Variants in ZNF385B observed in about 807,000 individuals in gnomAD.
ZNF385B encodes zinc finger protein 533.
Under a neutral mutation model 39.2 loss-of-function variants are expected in ZNF385B, and 23 were observed. The ratio of observed to expected loss-of-function variants is 0.59; its 90% confidence interval spans 0.42 to 0.83. The LOEUF is 0.83. Among genes scored for constraint, ZNF385B ranks in the 40% least tolerant of loss-of-function variants. ZNF385B has a pLI of 0.00. For missense variants in ZNF385B, 552 were observed against 598.9 expected (o/e 0.92, Z 0.82); for synonymous variants, 205 against 222.6 (o/e 0.92, Z 0.70).
chr2:179,834,603 G>A (rs1046249735), intron 1 of ZNF385B, among the ~76,000 whole-genome samples: 10 of 152,134 alleles, frequency 6.6e-5, no homozygotes, highest in Admixed American at 6.5e-4. Flanking sequence ...AAGAGAAATG[G>A]AGAGTCATCA....
At position 179,637,463 on chromosome 2, in the gene ZNF385B, C is replaced by G. The variant is rs1691864950; in HGVS notation, c.299-92494G>C. The stretch of plus-strand genomic sequence containing the variant: ...AAGTACTGAGATAGAGAAAAACAAA[C>G]AACTCCCAAACCCACAGAAAGCCCA... On this transcript the variant is annotated intron_variant, in intron 3 of 9. Transcript: ENST00000410066. 2.0e-5 allele frequency: 3 copies of G among 149,500 alleles called. No individual in the cohort carries two copies. The South Asian group carries it at 6.4e-4, about 32-fold the overall frequency. 9.3% of individuals were successfully genotyped at this position (149,500 alleles called of 1,614,324 possible). A position where few individuals can be genotyped will look rare whatever the true frequency, so the allele number is the denominator to read the frequency against.
chr2:179,623,175 A>T (rs17820073), intron 3 of ZNF385B, among the ~76,000 whole-genome samples: 27,766 of 152,092 alleles, frequency 0.18, 3,180 homozygotes, highest in South Asian at 0.29. Flanking sequence ...GATTCACTGG[A>T]TTGCCTTTTC....
intron 7 of ZNF385B, among the ~76,000 whole-genome samples, 178 bp from the exon 8 acceptor site, chr2:179,445,906 C>T (rs1016116901): frequency 5.3e-5 from 8 of 151,892 alleles, no homozygotes; most frequent in Middle Eastern, 3.4e-3. Flanking sequence ...AAAATGTAAG[C>T]GTATATAATA....
chr2:179,698,120 A>G (rs1698909571), intron 3 of ZNF385B, among the ~76,000 whole-genome samples: 1 of 152,128 alleles, frequency 6.6e-6, no homozygotes, highest in African/African-American at 2.4e-5. Flanking sequence ...CAGCACACCA[A>G]CATGGCACAT....
chr2:179,520,307 A>G (rs1241651671), intron 4 of ZNF385B, among the ~76,000 whole-genome samples: 2 of 152,100 alleles, frequency 1.3e-5, no homozygotes, highest in African/African-American at 2.4e-5. Flanking sequence ...TTATAATTTA[A>G]TAAGTAAAAA....
chr2:179,572,404 A>G (rs1372790642), intron 3 of ZNF385B, among the ~76,000 whole-genome samples: 1 of 152,058 alleles, frequency 6.6e-6, no homozygotes, highest in Non-Finnish European at 1.5e-5. Context: ...TAGTGTGGCA[A>G]TAGGAAAAAC....
intron 1 of ZNF385B, among the ~76,000 whole-genome samples, chr2:179,846,184 T>C (rs565429960): frequency 2.0e-4 from 31 of 152,366 alleles, no homozygotes; most frequent in African/African-American, 7.2e-4. Flanking sequence ...ACCCATAGTC[T>C]TATAAAACAT....
At chr2:179,715,573 G>A (rs1700282147) in intron 3 of ZNF385B, among the ~76,000 whole-genome samples, 1 of 152,130 alleles carries the variant, frequency 6.6e-6, no homozygotes, top group South Asian at 2.1e-4. Context: ...TTTATAATAA[G>A]TTCAGAGTCT....
intron 3 of ZNF385B, among the ~76,000 whole-genome samples, chr2:179,616,213 CA>C (rs1251163060): frequency 6.6e-6 from 1 of 152,152 alleles, no homozygotes; most frequent in Admixed American, 6.5e-5. Flanking sequence ...TTGTGGGAAT[CA>C]AATGAGAGTA....
At chr2:179,617,330 C>G (rs140591081) in intron 3 of ZNF385B, among the ~76,000 whole-genome samples, 153 of 152,252 alleles carry the variant, frequency 1.0e-3, no homozygotes, top group African/African-American at 3.6e-3. Context: ...GTTTTTAGGT[C>G]TGGAGCACAG....
At chr2:179,780,796 G>T (rs550330925) in intron 1 of ZNF385B, among the ~76,000 whole-genome samples, 1 of 152,160 alleles carries the variant, frequency 6.6e-6, no homozygotes, top group Non-Finnish European at 1.5e-5. Flanking sequence ...AAATATTTGA[G>T]AAATTTTAAT....
rs114058705 is a variant in ZNF385B at position 179,775,712 on chromosome 2, T to C, written c.-154-5040A>G. ...GCTTTGGAGGCACACTGCTTCTTTA[T>C]TTTGGAAAAAGCATCTTAGAGGATC... is the stretch of plus-strand genomic sequence containing the variant. On this transcript the variant is annotated intron_variant, in intron 1 of 9. Coordinates refer to ENST00000410066, the MANE Select transcript of ZNF385B (RefSeq NM_152520.6). Among the ~76,000 whole-genome samples, 745 of 152,300 alleles carry C rather than the reference T, an allele frequency of 4.9e-3. 7 individuals are homozygous for C. Among genetic ancestry groups the C allele is most frequent in the African/African-American group, 0.017 (715 of 41,554 alleles).
chr2:179,563,251 ATGT>A (rs1268108452), intron 3 of ZNF385B, among the ~76,000 whole-genome samples: 1 of 152,194 alleles, frequency 6.6e-6, no homozygotes, highest in African/African-American at 2.4e-5. Context: ...GCATCTGACC[ATGT>A]TGTCAGAATA....
intron 3 of ZNF385B, among the ~76,000 whole-genome samples, chr2:179,748,921 T>C (rs920730604): frequency 6.6e-6 from 1 of 152,100 alleles, no homozygotes; most frequent in Non-Finnish European, 1.5e-5. Flanking sequence ...GTGGCATTTA[T>C]GTGAAGAGGG....
intron 3 of ZNF385B, among the ~76,000 whole-genome samples, chr2:179,693,484 A>G (rs1190571073): frequency 2.6e-5 from 4 of 152,356 alleles, no homozygotes; most frequent in Non-Finnish European, 5.9e-5. Context: ...CAATATAAAA[A>G]TGGAGAGAAT....
At chr2:179,610,096 T>A (rs1474899408) in intron 3 of ZNF385B, among the ~76,000 whole-genome samples, 1 of 152,214 alleles carries the variant, frequency 6.6e-6, no homozygotes, top group East Asian at 1.9e-4. Flanking sequence ...TTTGCTTTGG[T>A]TGCCTGTGCT....
chr2:179,507,604 T>A (rs187849994), intron 5 of ZNF385B, among the ~76,000 whole-genome samples: 1 of 152,262 alleles, frequency 6.6e-6, no homozygotes, highest in East Asian at 1.9e-4. Flanking sequence ...TTCAGCAGTA[T>A]TTATAATTGT....
In ZNF385B at chr2:179,641,796, G is replaced by A. The variant is rs533645101; in HGVS notation, c.299-96827C>T. 6.6e-5 allele frequency among the ~76,000 whole-genome samples: 10 copies of A among 152,220 alleles called. No individual in the cohort carries two copies. In the East Asian group the frequency reaches 7.7e-4, roughly 12 times the overall value. On this transcript the variant is annotated intron_variant, in intron 3 of 9. Coordinates refer to ENST00000410066, the MANE Select transcript of ZNF385B (RefSeq NM_152520.6). ...GAAGTAGCTGAGCTAAAGGAAGGAC[G>A]AGCCCTTTTGTCCCAGAAGCCACAG...
intron 5 of ZNF385B, among the ~76,000 whole-genome samples, chr2:179,487,647 G>A (rs2054727439): frequency 6.6e-6 from 1 of 152,198 alleles, no homozygotes; most frequent in Admixed American, 6.5e-5. Flanking sequence ...ACTTCTAAGA[G>A]ACTAGGTTGG....
Sources: gnomAD v4.1 joint callset for allele counts (sites outside exome capture counted in the v4.1 genomes callset) on GRCh38, gnomAD v4.1.1 for gene constraint, MANE v1.5 for transcripts, NCBI Gene and HGNC (gene_info 2026-07-23, HGNC 2026-07-21) for gene names.